The following ELK4 variants were observed in gnomAD, a reference collection of about 807,000 sequenced individuals.
ELK4 encodes the protein ETS domain-containing protein Elk-4.
ELK4 carries 16 observed loss-of-function variants against 29.6 expected under a neutral mutation model. The ratio of observed to expected loss-of-function variants is 0.54; its 90% CI spans 0.37 to 0.82. The LOEUF is 0.82. ELK4 is among the 40% of genes least tolerant of loss of function. ELK4 has a pLI of 0.00. For missense variants in ELK4, 465 were observed against 507.1 expected, an observed-to-expected ratio of 0.92 and a Z score of 0.80; for synonymous variants, 213 against 191.1, an observed-to-expected ratio of 1.11 and a Z score of -0.95.
chr1:205,622,782 T>C (rs1028816190), intron 2 of ELK4, among the ~76,000 whole-genome samples: 1 of 152,240 alleles, frequency 6.6e-6, no homozygotes, highest in African/African-American at 2.4e-5. Flanking sequence ...GTACATATTT[T>C]TTCTTTTAAA....
In ELK4 at chr1:205,613,876, A is replaced by C. The variant is rs1670191166; in HGVS notation, c.*2670T>G. On this transcript the variant is annotated 3_prime_UTR_variant, in exon 5 of 5. Transcript: ENST00000357992. ...GGGATGGATACGAGCTACAGCTACCAATTACAAGTCTCTCCAGTGAAAACT... is the reference window on the plus strand; with the variant it reads ...GGGATGGATACGAGCTACAGCTACCCATTACAAGTCTCTCCAGTGAAAACT... 4.6e-6 allele frequency: 1 copy of C among 216,724 alleles called. No homozygotes were observed. The highest frequency in any genetic ancestry group is 1.9e-4 in the South Asian group (1 of 5,388). The allele number at this position is 216,724 out of a possible 1,614,324, so 13.4% of individuals were successfully genotyped here. A position where few individuals can be genotyped will look rare whatever the true frequency, so the allele number is the denominator to read the frequency against.
At chr1:205,616,790 T>A in intron 4 of ELK4, 146 bp from the exon 5 acceptor site, 1 of 606,448 alleles carries the variant, frequency 1.6e-6, no homozygotes, top group Non-Finnish European at 2.8e-6. Context: ...CATGAAAGAA[T>A]ATGATGTCAT....
At chr1:205,623,230 C>T (rs1461613078) in intron 2 of ELK4, among the ~76,000 whole-genome samples, 2 of 151,138 alleles carry the variant, frequency 1.3e-5, no homozygotes, top group Non-Finnish European at 2.9e-5. Flanking sequence ...ATCCTAATTC[C>T]AAACTGCTGA....
intron 1 of ELK4, among the ~76,000 whole-genome samples, chr1:205,624,510 TTC>T (rs1245896469): frequency 3.9e-5 from 6 of 152,240 alleles, no homozygotes; most frequent in African/African-American, 1.4e-4. Flanking sequence ...CAGCAAAGTG[TTC>T]TCTTTTCTGT....
chr1:205,628,051 T>C (rs543466871), intron 1 of ELK4, among the ~76,000 whole-genome samples: 5 of 152,296 alleles, frequency 3.3e-5, no homozygotes, highest in East Asian at 3.9e-4. Context: ...CGCTAATTGA[T>C]TGTAAAAAAG....
At position 205,620,259 on chromosome 1, in the gene ELK4, C is replaced by G. The variant is rs774746730; in HGVS notation, c.787G>C (p.Glu263Gln). Residue 263 changes from glutamate to glutamine, a missense_variant, in exon 3 of 5, where the codon GAA (glutamate) becomes CAA (glutamine). Glu to Gln is a conservative substitution (Grantham distance 29). Around this residue, in one of 2 missense-constraint regions of ELK4, gnomAD observed 385 missense variants for 387.5 expected, o/e 0.99. Transcript: ENST00000357992. ...PPISSIPPLQ[E>Q]PPRTPSPPLS... Reference sequence around the variant, plus strand: ...GGTGGTGAAGGTGTTCTGGGAGGTTCCTGCAAAGGGGGTATGGACGAAATG... The same window carrying G: ...GGTGGTGAAGGTGTTCTGGGAGGTTGCTGCAAAGGGGGTATGGACGAAATG... The G allele has an allele frequency of 6.2e-7, 1 of 1,614,102 alleles. No homozygotes were observed. The highest frequency in any genetic ancestry group is 8.5e-7 in the Non-Finnish European group (1 of 1,180,026).
chr1:205,631,494 G>A (rs967738540), intron 1 of ELK4, 138 bp downstream of exon 1: 3 of 147,848 alleles, frequency 2.0e-5, no homozygotes, highest in Admixed American at 6.7e-5. Context: ...GCGGACCCAA[G>A]GGGAGCGCGC....
rs1157008719 is a variant in ELK4, at chr1:205,620,317, A to G, written c.729T>C (p.Ser243=). The change falls in exon 3 of 5, where the codon TCT becomes TCC. Residue 243 remains serine, a synonymous_variant. Transcript: ENST00000357992. Reference sequence around the variant, plus strand: ...TGGTGGCAAAAGCAGTCATTACGTTAGAGGCAGAGGTTGGGGCTTCCAGGG... The same window carrying G: ...TGGTGGCAAAAGCAGTCATTACGTTGGAGGCAGAGGTTGGGGCTTCCAGGG... ...LPSLEAPTSA[S]NVMTAFATTP... The G allele has an allele frequency of 6.2e-7, 1 of 1,614,124 alleles. No individual in the cohort carries two copies. Among genetic ancestry groups the G allele is most frequent in the African/African-American group, 1.3e-5 (1 of 74,946 alleles).
At chr1:205,630,076 C>A (rs1366488977) in intron 1 of ELK4, among the ~76,000 whole-genome samples, 1 of 151,104 alleles carries the variant, frequency 6.6e-6, no homozygotes, top group African/African-American at 2.4e-5. Context: ...CAAACAAAAC[C>A]TTTTATTCTT....
intron 1 of ELK4, chr1:205,625,730 G>C: frequency 1.4e-6 from 1 of 704,218 alleles, no homozygotes; most frequent in Non-Finnish European, 2.6e-6. Context: ...CCAGGCTGGA[G>C]TGCAGTGGCG....
chr1:205,612,573 T>C lies in ELK4; in HGVS notation c.*3973A>G, dbSNP rs1324755652. 2.3e-5 allele frequency: 5 copies of C among 213,220 alleles called. No homozygotes were observed. Among genetic ancestry groups the C allele is most frequent in the Non-Finnish European group, 4.7e-5 (5 of 105,560 alleles). The allele number at this position is 213,220 out of a possible 1,614,324, so 13.2% of individuals were successfully genotyped here. ...TGTGTTCAAAAAGGCTGGACACTCCTTTTCTGAACCACTGCTTCAGAGGTA... is the reference window on the plus strand; with the variant it reads ...TGTGTTCAAAAAGGCTGGACACTCCCTTTCTGAACCACTGCTTCAGAGGTA... On this transcript the variant is annotated 3_prime_UTR_variant, in exon 5 of 5. Transcript: ENST00000357992.
chr1:205,624,333 C>T (rs1483321281), intron 1 of ELK4, among the ~76,000 whole-genome samples: 3 of 152,160 alleles, frequency 2.0e-5, no homozygotes, highest in Non-Finnish European at 4.4e-5. Context: ...ACCATTCCAG[C>T]ATCTGTCTAA....
chr1:205,616,532 C>T lies in ELK4; in HGVS notation c.*14G>A. ...TCTTCGTTCCTCGGTTCTCTCATTC[C>T]ACAAGTGCATAGGTTATGTCTTCTG... On this transcript the variant is annotated 3_prime_UTR_variant, in exon 5 of 5. Coordinates refer to ENST00000357992, the MANE Select transcript of ELK4 (RefSeq NM_001973.4). 3 of 1,610,640 alleles carry T rather than the reference C, an allele frequency of 1.9e-6. No individual in the cohort carries two copies. Among genetic ancestry groups the T allele is most frequent in the Non-Finnish European group, 2.5e-6 (3 of 1,176,954 alleles).
chr1:205,628,285 G>C (rs748538426), intron 1 of ELK4, among the ~76,000 whole-genome samples: 10 of 152,138 alleles, frequency 6.6e-5, no homozygotes, highest in Admixed American at 1.3e-4. Flanking sequence ...CCTAATGATG[G>C]CAAGTTACCG....
chr1:205,628,252 G>A (rs1670505330), intron 1 of ELK4, among the ~76,000 whole-genome samples: 1 of 152,192 alleles, frequency 6.6e-6, no homozygotes, highest in African/African-American at 2.4e-5. Context: ...GAGTTTACCT[G>A]ACAGGCCTTT....
intron 1 of ELK4, among the ~76,000 whole-genome samples, chr1:205,628,234 T>C (rs559975570): frequency 2.2e-4 from 34 of 152,378 alleles, no homozygotes; most frequent in African/African-American, 7.7e-4. Flanking sequence ...TTCCCTGTTA[T>C]GTCTCTTGAG....
chr1:205,616,274 A>G lies in ELK4; in HGVS notation c.*272T>C. On this transcript the variant is annotated 3_prime_UTR_variant, in exon 5 of 5. Coordinates refer to ENST00000357992, the MANE Select transcript of ELK4 (RefSeq NM_001973.4). ...AGCACAAAGCTCAAAATATTTTTAA[A>G]GGAGAAAAGAAAAGGAAGGAAGGAA... is the stretch of plus-strand genomic sequence containing the variant. 1 of 340,274 alleles carries G rather than the reference A, an allele frequency of 2.9e-6. No homozygotes were observed. The highest frequency in any genetic ancestry group is 8.1e-4 in the Middle Eastern group (1 of 1,236). The allele number at this position is 340,274 out of a possible 1,614,324, so 21.1% of individuals were successfully genotyped here.
At position 205,611,693 on chromosome 1, in the gene ELK4, T is replaced by C. The variant is rs1670152702; in HGVS notation, c.*4853A>G. 3 of 191,924 alleles carry C rather than the reference T, an allele frequency of 1.6e-5. No individual in the cohort carries two copies. The East Asian group carries it at 2.5e-4, about 16-fold the overall frequency. The allele number at this position is 191,924 out of a possible 1,614,324, so 11.9% of individuals were successfully genotyped here. Reference sequence around the variant, plus strand: ...TAGCTTCAGATGACACACTACATCATGAGTAGTATTTTAACTTTCCTATTG... The same window carrying C: ...TAGCTTCAGATGACACACTACATCACGAGTAGTATTTTAACTTTCCTATTG... On this transcript the variant is annotated 3_prime_UTR_variant, in exon 5 of 5. Coordinates refer to ENST00000357992, the MANE Select transcript of ELK4 (RefSeq NM_001973.4).
In ELK4 at chr1:205,623,805, C is replaced by T; in HGVS notation, c.78G>A (p.Trp26Ter). ...GCTTAAACTGCCCATCATTAGAGGT[C>T]CAACAGATCATGTGCTTGTTCTGAG... ...QKPQNKHMIC[W>*]TSNDGQFKLL... The change falls in exon 2 of 5, where the codon TGG becomes TGA. Residue 26 changes from tryptophan (W) to a stop codon, truncating the protein, a stop_gained. Transcript: ENST00000357992. LOFTEE classifies it high-confidence loss of function. 6.2e-7 allele frequency: 1 copy of T among 1,614,126 alleles called. No homozygotes were observed. Among genetic ancestry groups the T allele is most frequent in the Non-Finnish European group, 8.5e-7 (1 of 1,180,008 alleles).
Sources: allele counts gnomAD v4.1 joint callset (sites outside exome capture counted in the v4.1 genomes callset), GRCh38; gene constraint gnomAD v4.1.1; regional missense constraint gnomAD v4.1.1; transcripts MANE v1.5; gene names NCBI Gene and HGNC (gene_info 2026-07-23, HGNC 2026-07-21).